Variants in RHBDD1 observed in about 807,000 individuals in gnomAD.
The protein encoded by RHBDD1 is rhomboid domain containing 1, also known as rhomboid-related protein 4.
RHBDD1 carries 38 observed loss-of-function variants against 36.3 expected under a neutral mutation model. The observed-to-expected ratio is 1.05, with a 90% confidence interval of 0.81 to 1.37. The LOEUF (loss-of-function observed/expected upper bound fraction) is 1.37, where lower values mean the gene tolerates loss of function less well. Among genes scored for constraint, RHBDD1 ranks in the 40% most tolerant of loss-of-function variants. The pLI, the probability that RHBDD1 is intolerant of heterozygous loss-of-function variation, is 0.00. For synonymous variants in RHBDD1, 151 were observed against 136.5 expected (o/e 1.11, Z -0.74); for missense variants, 393 against 377.6 (o/e 1.04, Z -0.34).
chr2:226,852,904 A>ATTATTGTTG (rs751436984), intron 3 of RHBDD1, among the ~76,000 whole-genome samples: 37 of 108,644 alleles, frequency 3.4e-4, no homozygotes, highest in African/African-American at 1.4e-3. Flanking sequence ...TGGCTAATTT[A>ATTATTGTTG]TTATTATTAT....
At chr2:226,803,794 A>G in the RHBDD1 span, among the ~76,000 whole-genome samples, 3 of 152,196 alleles carry the variant, frequency 2.0e-5, no homozygotes, top group Non-Finnish European at 2.9e-5. Context: ...TTAAAAATAT[A>G]TAAAATAGGC....
chr2:226,873,701 A>AT (rs1383534121), intron 5 of RHBDD1, among the ~76,000 whole-genome samples: 36 of 152,174 alleles, frequency 2.4e-4, no homozygotes, highest in Non-Finnish European at 2.1e-4. Context: ...AGCTGTGAGA[A>AT]TAGAAATTGG....
At chr2:226,904,083 G>C (rs979977338) in intron 5 of RHBDD1, among the ~76,000 whole-genome samples, 1 of 152,166 alleles carries the variant, frequency 6.6e-6, no homozygotes, top group Admixed American at 6.5e-5. Context: ...CGTGTGATCT[G>C]ATTTTTCCTG....
At chr2:226,836,591 C>T (rs748648361) in intron 1 of RHBDD1, among the ~76,000 whole-genome samples, 5 of 152,138 alleles carry the variant, frequency 3.3e-5, no homozygotes, top group Non-Finnish European at 7.4e-5. Flanking sequence ...CCCCTAAAAA[C>T]CTTTGGATAA....
upstream of RHBDD1, among the ~76,000 whole-genome samples, chr2:226,834,950 A>G (rs1391703485): frequency 6.6e-6 from 1 of 151,992 alleles, no homozygotes; most frequent in Non-Finnish European, 1.5e-5. Flanking sequence ...TAATTTTTGT[A>G]TTTTTAGTAG....
Position 226,908,838 on chromosome 2 carries a change from T to C in RHBDD1, c.672T>C (p.Ser224=), listed in dbSNP as rs1198803123. Residue 224 remains serine, a synonymous_variant, in exon 7 of 9, where the codon AGT becomes AGC. Coordinates refer to ENST00000392062, the MANE Select transcript of RHBDD1 (RefSeq NM_001167608.3). The part of the protein sequence containing the change: ...MEACAGGFSS[S]VGYPGRQYYF... ...TACGTTTAGGCGGTTTTTCCTCCAG[T>C]GTTGGTTACCCAGGACGGCAATACT... The C allele has an allele frequency of 1.4e-5, 22 of 1,608,142 alleles. No individual in the cohort carries two copies. In the South Asian group the frequency reaches 2.1e-4, roughly 15 times the overall value.
At chr2:226,955,820 CT>C (rs1307767397) in intron 8 of RHBDD1, among the ~76,000 whole-genome samples, 8 of 152,328 alleles carry the variant, frequency 5.3e-5, no homozygotes, top group South Asian at 2.1e-4. Context: ...GGCTCCACCC[CT>C]ATCACCTCAT....
intron 3 of RHBDD1, among the ~76,000 whole-genome samples, chr2:226,840,113 T>G (rs1194860938): frequency 6.6e-6 from 1 of 152,236 alleles, no homozygotes; most frequent in Non-Finnish European, 1.5e-5. Context: ...TACATTGTCT[T>G]TTTCACACAT....
the RHBDD1 span, among the ~76,000 whole-genome samples, chr2:226,811,736 C>T: frequency 6.6e-6 from 1 of 152,330 alleles, no homozygotes; most frequent in African/African-American, 2.4e-5. Flanking sequence ...TAAATTTCTC[C>T]ACTGAATTCT....
chr2:226,932,548 G>C (rs990795727), intron 8 of RHBDD1, among the ~76,000 whole-genome samples: 1 of 151,756 alleles, frequency 6.6e-6, no homozygotes, highest in African/African-American at 2.4e-5. Context: ...GGTTTTTCTC[G>C]GTATCTGCTT....
intron 7 of RHBDD1, among the ~76,000 whole-genome samples, chr2:226,913,063 T>G (rs1395600364): frequency 2.0e-5 from 3 of 152,210 alleles, no homozygotes; most frequent in Non-Finnish European, 4.4e-5. Flanking sequence ...AATTTTAAAA[T>G]AGCCTCAGGA....
intron 8 of RHBDD1, among the ~76,000 whole-genome samples, chr2:226,968,346 C>T (rs982114327): frequency 1.2e-4 from 19 of 152,268 alleles, no homozygotes; most frequent in Admixed American, 1.0e-3. Context: ...TAGGGCAGGC[C>T]GTCAGGAAGG....
At chr2:226,831,190 A>G (rs1940732687), upstream of RHBDD1, among the ~76,000 whole-genome samples, 1 of 152,134 alleles carries the variant, frequency 6.6e-6, no homozygotes, top group South Asian at 2.1e-4. Context: ...TGATGGTATA[A>G]TTTCTTCCTT....
chr2:226,836,138 C>T (rs964549858), intron 1 of RHBDD1, 51 bp downstream of exon 1: 5 of 153,254 alleles, frequency 3.3e-5, no homozygotes, highest in African/African-American at 1.2e-4. Context: ...TTGTGAGCGG[C>T]ATCTCTCGCC....
chr2:226,841,902 T>C (rs13431900), intron 3 of RHBDD1, among the ~76,000 whole-genome samples: 36,446 of 152,116 alleles, frequency 0.24, 8,192 homozygotes, highest in African/African-American at 0.6. Context: ...AACTAACTTA[T>C]ACTTCCACCA....
chr2:226,859,855 A>G (rs1034960567), intron 3 of RHBDD1, among the ~76,000 whole-genome samples: 80 of 152,202 alleles, frequency 5.3e-4, no homozygotes, highest in African/African-American at 1.8e-3. Context: ...CTTCAGTTTT[A>G]TACAAGATTA....
chr2:226,831,894 G>C (rs1387550448), upstream of RHBDD1, among the ~76,000 whole-genome samples: 4 of 150,194 alleles, frequency 2.7e-5, no homozygotes, highest in African/African-American at 7.3e-5. Flanking sequence ...TACCTGTTTT[G>C]ATTCCTAATT....
chr2:226,820,231 T>C, the RHBDD1 span, among the ~76,000 whole-genome samples: 2 of 152,328 alleles, frequency 1.3e-5, no homozygotes, highest in African/African-American at 2.4e-5. Flanking sequence ...ATAGCCCTTA[T>C]TTTAATTAGT....
At chr2:226,827,796 A>T in the RHBDD1 span, among the ~76,000 whole-genome samples, 1 of 152,166 alleles carries the variant, frequency 6.6e-6, no homozygotes, top group Non-Finnish European at 1.5e-5. Context: ...AGAGTGTGAG[A>T]TCCACATGTG....
Sources: allele counts gnomAD v4.1 joint callset (sites outside exome capture counted in the v4.1 genomes callset), GRCh38; gene constraint gnomAD v4.1.1; transcripts MANE v1.5; gene names NCBI Gene and HGNC (gene_info 2026-07-23, HGNC 2026-07-21).